Variants in CACNA2D1 observed in about 807,000 individuals in gnomAD.
CACNA2D1 encodes the protein calcium voltage-gated channel auxiliary subunit alpha2delta 1.
A neutral mutation model predicts 171.5 loss-of-function variants in CACNA2D1; 53 were observed. The observed-to-expected ratio is 0.31, with a 90% confidence interval of 0.25 to 0.39. The LOEUF (loss-of-function observed/expected upper bound fraction) is 0.39. Ranked by LOEUF, CACNA2D1 falls within the 10% of genes least tolerant of loss-of-function variation. CACNA2D1 has a pLI of 1.00. For synonymous variants in CACNA2D1, 442 were observed against 443.1 expected (o/e 1.00, Z 0.03); for missense variants, 903 against 1,299.8 (o/e 0.69, Z 4.69).
At position 81,974,450 on chromosome 7, in the gene CACNA2D1, C is replaced by T. The variant is rs1230839585; in HGVS notation, c.2053+5G>A. 7.0e-7 allele frequency: 1 copy of T among 1,420,480 alleles called. No homozygotes were observed. The allele number at this position is 1,420,480 out of a possible 1,614,324, so 88.0% of individuals were successfully genotyped here. On this transcript the variant is annotated splice_donor_5th_base_variant and intron_variant, in intron 25 of 38. Transcript: ENST00000356860. ...AGCAATCATTTTGAATTAATGCATA[C>T]TTACATGATGGGTTGTTTGGAGTTT...
chr7:82,124,320 C>G (rs888837836), intron 5 of CACNA2D1, among the ~76,000 whole-genome samples: 2 of 152,122 alleles, frequency 1.3e-5, no homozygotes, highest in Non-Finnish European at 2.9e-5. Context: ...TTGCAAAACC[C>G]TCCACCCTCT....
chr7:82,105,092 AAAATAT>A (rs199948348), intron 6 of CACNA2D1, among the ~76,000 whole-genome samples: 4,314 of 152,154 alleles, frequency 0.028, 76 homozygotes, highest in South Asian at 0.068. Flanking sequence ...TATTCTTTTT[AAAATAT>A]GGTAATTATT....
At position 82,085,529 on chromosome 7, in the gene CACNA2D1, A is replaced by G. The variant is rs567754146; in HGVS notation, c.527-629T>C. ...AAATTAGCCTGCTACCTTAAAAAAA[A>G]AAAAAAGAAAAAAAGTCATTGGGCA... On this transcript the variant is annotated intron_variant, in intron 6 of 38. Transcript: ENST00000356860. Among the ~76,000 whole-genome samples, 12 of 143,852 alleles carry G rather than the reference A, an allele frequency of 8.3e-5. 1 individual carries two copies. The South Asian group carries it at 2.7e-3, about 32-fold the overall frequency. The allele number at this position is 143,852 out of a possible 152,430, so 94.4% of individuals were successfully genotyped here. A position where few individuals can be genotyped will look rare whatever the true frequency, so the allele number is the denominator to read the frequency against.
At chr7:82,272,772 A>G (rs1479876958) in intron 3 of CACNA2D1, among the ~76,000 whole-genome samples, 1 of 152,212 alleles carries the variant, frequency 6.6e-6, no homozygotes, top group East Asian at 1.9e-4. Flanking sequence ...GCTATTATAA[A>G]TAACATTGTT....
chr7:82,083,316 A>G (rs1248341918), intron 7 of CACNA2D1, among the ~76,000 whole-genome samples: 1 of 152,034 alleles, frequency 6.6e-6, no homozygotes, highest in South Asian at 2.1e-4. Context: ...TTTAAATTAT[A>G]TCAGGTCTTC....
chr7:81,957,494 A>G (rs1200775966), intron 38 of CACNA2D1, among the ~76,000 whole-genome samples: 3 of 152,088 alleles, frequency 2.0e-5, no homozygotes, highest in Admixed American at 6.6e-5. Context: ...AGTAAAATGA[A>G]GATAGGAGCT....
At chr7:82,442,948 C>G (rs1471544893) in intron 1 of CACNA2D1, among the ~76,000 whole-genome samples, 3 of 152,236 alleles carry the variant, frequency 2.0e-5, no homozygotes, top group African/African-American at 7.2e-5. Context: ...CTCGGCAAGC[C>G]TGAAATTACC....
At chr7:82,295,188 T>C (rs1448818140) in intron 3 of CACNA2D1, among the ~76,000 whole-genome samples, 1 of 152,156 alleles carries the variant, frequency 6.6e-6, no homozygotes. Context: ...ATGTAAAAGG[T>C]TTCTTGTTAC....
intron 1 of CACNA2D1, among the ~76,000 whole-genome samples, chr7:82,399,153 CA>C (rs143002208): frequency 0.024 from 3,657 of 152,202 alleles, 65 homozygotes; most frequent in Middle Eastern, 0.054. Flanking sequence ...TGTTTCCACT[CA>C]ATTCTATTTC....
chr7:82,243,686 A>G (rs1804586387), intron 3 of CACNA2D1, among the ~76,000 whole-genome samples: 1 of 152,178 alleles, frequency 6.6e-6, no homozygotes, highest in African/African-American at 2.4e-5. Context: ...AAGTACAGGG[A>G]AGCCATGTGG....
chr7:82,338,015 A>G (rs934104173), intron 2 of CACNA2D1, among the ~76,000 whole-genome samples: 22 of 152,206 alleles, frequency 1.4e-4, no homozygotes. Flanking sequence ...CAAAAAAACC[A>G]TAATCTATGT....
chr7:82,036,156 C>T (rs1054647868), intron 11 of CACNA2D1, among the ~76,000 whole-genome samples: 3 of 152,124 alleles, frequency 2.0e-5, no homozygotes, highest in African/African-American at 7.2e-5. Flanking sequence ...TGCAACCCAG[C>T]CCACACCACT....
chr7:82,098,766 G>A (rs1256418069), intron 6 of CACNA2D1, among the ~76,000 whole-genome samples: 1 of 152,088 alleles, frequency 6.6e-6, no homozygotes, highest in African/African-American at 2.4e-5. Flanking sequence ...TTGCACCTCT[G>A]GCTTTCTGAA....
chr7:82,252,360 T>C (rs1308575352), intron 3 of CACNA2D1, among the ~76,000 whole-genome samples: 1 of 152,170 alleles, frequency 6.6e-6, no homozygotes, highest in Non-Finnish European at 1.5e-5. Flanking sequence ...TAATGAGTAG[T>C]GGAGCCAATA....
chr7:82,096,016 T>C (rs1045463071), intron 6 of CACNA2D1, among the ~76,000 whole-genome samples: 8 of 152,232 alleles, frequency 5.3e-5, no homozygotes, highest in Non-Finnish European at 7.3e-5. Flanking sequence ...TGTTAAGTAT[T>C]TCCCAATGTA....
chr7:81,950,227 G>T lies in CACNA2D1; in HGVS notation c.*165C>A. ...TAAGGATCTGACACCCTGACATGCA[G>T]CCAGTGGGTGCCTTAGGAGTCTGCG... On this transcript the variant is annotated 3_prime_UTR_variant, in exon 39 of 39. Transcript: ENST00000356860. 8.3e-7 allele frequency: 1 copy of T among 1,201,074 alleles called. No individual in the cohort carries two copies. The highest frequency in any genetic ancestry group is 1.5e-5 in the African/African-American group (1 of 67,076). 74.4% of individuals were successfully genotyped at this position (1,201,074 alleles called of 1,614,324 possible).
At chr7:82,146,442 A>ATATT (rs1793093404) in intron 4 of CACNA2D1, among the ~76,000 whole-genome samples, 1 of 127,894 alleles carries the variant, frequency 7.8e-6, no homozygotes, top group Non-Finnish European at 1.8e-5. Context: ...ATTTATATTT[A>ATATT]TATATATAAA....
At chr7:82,205,011 A>T (rs1799866757) in intron 3 of CACNA2D1, among the ~76,000 whole-genome samples, 1 of 152,204 alleles carries the variant, frequency 6.6e-6, no homozygotes, top group African/African-American at 2.4e-5. Flanking sequence ...TGTCTGTCAA[A>T]GGCATAACTA....
chr7:82,168,713 CAAT>C (rs3839797), intron 4 of CACNA2D1, among the ~76,000 whole-genome samples: 57,829 of 151,654 alleles, frequency 0.38, 13,141 homozygotes, highest in East Asian at 0.6. Context: ...AATGAAACAA[CAAT>C]GATATAGGCA....
Sources: allele counts gnomAD v4.1 joint callset (sites outside exome capture counted in the v4.1 genomes callset), GRCh38; gene constraint gnomAD v4.1.1; transcripts MANE v1.5; gene names NCBI Gene and HGNC (gene_info 2026-07-23, HGNC 2026-07-21).